Variants in TXNRD1 observed in about 807,000 individuals in gnomAD.
TXNRD1 encodes the protein thioredoxin reductase 1, also known as thioredoxin reductase 1, cytoplasmic.
A neutral mutation model predicts 80.3 loss-of-function variants in TXNRD1; 57 were observed. That is an observed-to-expected ratio of 0.71 (90% CI 0.57 to 0.89). The LOEUF is 0.89. TXNRD1 is among the 40% of genes least tolerant of loss of function. TXNRD1 has a pLI of 0.00. For missense variants in TXNRD1, 730 were observed against 803.0 expected, an observed-to-expected ratio of 0.91 and a Z score of 1.10; for synonymous variants, 291 against 285.2, an observed-to-expected ratio of 1.02 and a Z score of -0.20.
rs34758441 is a variant in TXNRD1 at position 104,300,748 on chromosome 12, C to T, written c.415-10542C>T. 7.1e-3 allele frequency among the ~76,000 whole-genome samples: 1,082 copies of T among 151,928 alleles called. 12 individuals are homozygous for T. The highest frequency in any genetic ancestry group is 0.022 in the African/African-American group (931 of 41,432). On this transcript the variant is annotated intron_variant, in intron 4 of 16. Coordinates refer to ENST00000525566, the MANE Select transcript of TXNRD1 (RefSeq NM_001093771.3). ...GTGCAATGGTGCAATCTTGTCTCAC[C>T]CGCAACCTCTGCCTCCCAGGTTGAA... is the stretch of plus-strand genomic sequence containing the variant.
At chr12:104,325,295 TA>T in intron 10 of TXNRD1, 41 bp from the exon 11 acceptor site, 1 of 1,492,316 alleles carries the variant, frequency 6.7e-7, no homozygotes, top group Non-Finnish European at 9.3e-7. Context: ...TCCAACTTGA[TA>T]AATGTCTTTA....
At chr12:104,297,834 C>T (rs2034486581) in intron 4 of TXNRD1, among the ~76,000 whole-genome samples, 4 of 152,156 alleles carry the variant, frequency 2.6e-5, no homozygotes, top group South Asian at 4.1e-4. Flanking sequence ...GCCACATACC[C>T]AGTCCTTCTT....
At chr12:104,347,765 A>G (rs1368072664) in intron 16 of TXNRD1, among the ~76,000 whole-genome samples, 1 of 152,224 alleles carries the variant, frequency 6.6e-6, no homozygotes. Context: ...GTGTTGTTCT[A>G]TACTATAGTG....
chr12:104,303,912 A>AGGC, intron 4 of TXNRD1: 1 of 1,561,774 alleles, frequency 6.4e-7, no homozygotes, highest in Non-Finnish European at 8.6e-7. Context: ...GCGGCGAAGT[A>AGGC]GGCGGCGGCG....
intron 4 of TXNRD1, among the ~76,000 whole-genome samples, chr12:104,295,066 T>C (rs1377968384): frequency 6.6e-6 from 1 of 152,234 alleles, no homozygotes; most frequent in Non-Finnish European, 1.5e-5. Context: ...ACAGATTCTC[T>C]GGCGTACATT....
At chr12:104,311,527 A>T in intron 5 of TXNRD1, 115 bp downstream of exon 5, 1 of 1,337,490 alleles carries the variant, frequency 7.5e-7, no homozygotes, top group Middle Eastern at 1.9e-4. Flanking sequence ...CTCCTGTGAC[A>T]TTTTGCACAT....
intron 8 of TXNRD1, 25 bp downstream of exon 8, chr12:104,319,080 C>CT (rs369071091): frequency 0.028 from 29,912 of 1,079,476 alleles, 8 homozygotes; most frequent in South Asian, 0.034. Flanking sequence ...TCCTGACTAG[C>CT]TTTTTTTTTT....
At chr12:104,240,240 A>C (rs925935782) in intron 1 of TXNRD1, among the ~76,000 whole-genome samples, 40 of 152,336 alleles carry the variant, frequency 2.6e-4, no homozygotes, top group African/African-American at 9.4e-4. Context: ...ATGTTACTGA[A>C]TCAGAGAGAG....
chr12:104,232,720 G>A (rs1448766655), intron 1 of TXNRD1, among the ~76,000 whole-genome samples: 3 of 152,152 alleles, frequency 2.0e-5, no homozygotes, highest in Non-Finnish European at 4.4e-5. Context: ...TCAAAGCCTT[G>A]ATCTTGTTAG....
intron 1 of TXNRD1, among the ~76,000 whole-genome samples, chr12:104,247,315 G>A (rs746494178): frequency 4.4e-4 from 67 of 152,030 alleles, no homozygotes; most frequent in Non-Finnish European, 7.1e-4. Flanking sequence ...CAATCTGCCT[G>A]CCTTAGCCTC....
intron 1 of TXNRD1, among the ~76,000 whole-genome samples, chr12:104,236,019 G>A (rs1481943979): frequency 2.0e-5 from 3 of 152,310 alleles, no homozygotes; most frequent in East Asian, 1.9e-4. Flanking sequence ...CCTTAAGAGC[G>A]GTTTAGGGAG....
At chr12:104,328,902 GA>G (rs1340353204) in intron 13 of TXNRD1, among the ~76,000 whole-genome samples, 1 of 152,088 alleles carries the variant, frequency 6.6e-6, no homozygotes, top group Non-Finnish European at 1.5e-5. Context: ...TAGATGGCCA[GA>G]AAAGAATAAA....
At chr12:104,297,523 G>A (rs1397945483) in intron 4 of TXNRD1, among the ~76,000 whole-genome samples, 6 of 151,738 alleles carry the variant, frequency 4.0e-5, no homozygotes, top group Non-Finnish European at 7.4e-5. Context: ...GCGCCACCAC[G>A]TCTGGCTAAT....
intron 4 of TXNRD1, among the ~76,000 whole-genome samples, chr12:104,302,207 T>C (rs888949355): frequency 4.6e-5 from 7 of 152,158 alleles, no homozygotes; most frequent in African/African-American, 1.7e-4. Context: ...GAGCAAATGG[T>C]AATATAAGGA....
intron 10 of TXNRD1, 88 bp from the exon 11 acceptor site, chr12:104,325,249 C>T: frequency 2.0e-6 from 2 of 982,418 alleles, no homozygotes; most frequent in Admixed American, 2.1e-5. Flanking sequence ...TATATTTTAA[C>T]TTTGGGTTAA....
intron 4 of TXNRD1, chr12:104,291,250 G>A: frequency 2.3e-6 from 1 of 436,920 alleles, no homozygotes. Flanking sequence ...GCTCAGGCTG[G>A]AGTGCAGTGG....
intron 15 of TXNRD1, among the ~76,000 whole-genome samples, chr12:104,338,269 A>C (rs1052612146): frequency 2.0e-5 from 3 of 151,904 alleles, no homozygotes; most frequent in African/African-American, 7.2e-5. Flanking sequence ...ATTTTTTCTC[A>C]TAAAATTGAG....
chr12:104,289,824 C>T (rs1437247089), intron 4 of TXNRD1, among the ~76,000 whole-genome samples: 1 of 152,072 alleles, frequency 6.6e-6, no homozygotes. Context: ...CCTCCACCTC[C>T]TGGGTTCAAG....
intron 4 of TXNRD1, chr12:104,304,093 G>C: frequency 6.2e-7 from 1 of 1,614,020 alleles, no homozygotes; most frequent in Non-Finnish European, 8.5e-7. Context: ...GCGTGCGGCA[G>C]AACCGGGAGG....
Sources: allele counts gnomAD v4.1 joint callset (sites outside exome capture counted in the v4.1 genomes callset), GRCh38; gene constraint gnomAD v4.1.1; transcripts MANE v1.5; gene names NCBI Gene and HGNC (gene_info 2026-07-23, HGNC 2026-07-21).